INTU: variants seen among roughly 807,000 people sequenced by gnomAD.
INTU encodes inturned planar cell polarity protein, also known as protein inturned.
INTU carries 68 observed loss-of-function variants against 100.5 expected under a neutral mutation model. The observed-to-expected ratio is 0.68, with a 90% CI of 0.56 to 0.83. The LOEUF (loss-of-function observed/expected upper bound fraction) is 0.83, where lower values mean the gene tolerates loss of function less well. Ranked by LOEUF, INTU falls within the 40% of genes least tolerant of loss-of-function variation. The pLI, the probability that INTU is intolerant of heterozygous loss-of-function variation, is 0.00. For synonymous variants in INTU, 357 were observed against 395.7 expected (o/e 0.90, Z 1.16); for missense variants, 1,071 against 1,114.7 (o/e 0.96, Z 0.56).
At chr4:127,672,419 T>C (rs1261501285) in intron 5 of INTU, among the ~76,000 whole-genome samples, 6 of 151,718 alleles carry the variant, frequency 4.0e-5, no homozygotes, top group Non-Finnish European at 8.8e-5. Context: ...GCATTCCTCC[T>C]TTTCAGTCTC....
At chr4:127,674,810 A>G (rs180857578) in intron 6 of INTU, among the ~76,000 whole-genome samples, 15 of 152,322 alleles carry the variant, frequency 9.8e-5, no homozygotes, top group Admixed American at 5.2e-4. Context: ...TATATTTATT[A>G]AACTCATTTA....
intron 6 of INTU, among the ~76,000 whole-genome samples, chr4:127,677,312 G>T (rs963178253): frequency 2.0e-5 from 3 of 152,008 alleles, no homozygotes; most frequent in Admixed American, 6.5e-5. Flanking sequence ...GTGGGTCCCT[G>T]ACCCCTGACC....
chr4:127,678,103 G>A (rs1340532300), intron 6 of INTU, among the ~76,000 whole-genome samples: 1 of 151,994 alleles, frequency 6.6e-6, no homozygotes, highest in African/African-American at 2.4e-5. Context: ...GGACTATGTG[G>A]AAAGACCAAA....
At chr4:127,651,478 C>A (rs1378597958) in intron 2 of INTU, among the ~76,000 whole-genome samples, 8 of 152,192 alleles carry the variant, frequency 5.3e-5, no homozygotes, top group Non-Finnish European at 1.0e-4. Context: ...AATAGGGAAT[C>A]CTTTCCCCAT....
intron 7 of INTU, chr4:127,685,329 T>G (rs1444136797): frequency 9.1e-6 from 3 of 330,612 alleles, no homozygotes; most frequent in East Asian, 1.9e-4. Flanking sequence ...GTTTAAAGCC[T>G]TAGGAGTATA....
chr4:127,646,184 C>CAAA (rs71587329), intron 2 of INTU, among the ~76,000 whole-genome samples: 92 of 127,538 alleles, frequency 7.2e-4, no homozygotes, highest in Middle Eastern at 3.8e-3. Context: ...GACTCTGTCT[C>CAAA]AAAAAAAAAA....
intron 2 of INTU, among the ~76,000 whole-genome samples, chr4:127,645,365 C>A (rs1727529447): frequency 1.3e-5 from 2 of 151,984 alleles, no homozygotes; most frequent in African/African-American, 2.4e-5. Flanking sequence ...AGTGATCCAG[C>A]TGATAGCCCC....
chr4:127,640,583 A>G (rs1364136753), intron 1 of INTU, among the ~76,000 whole-genome samples: 3 of 42,894 alleles, frequency 7.0e-5, no homozygotes, highest in African/African-American at 8.0e-5. Context: ...ATATATATAT[A>G]TATATATACA....
intron 2 of INTU, among the ~76,000 whole-genome samples, chr4:127,650,235 TA>T (rs1185182034): frequency 2.0e-5 from 3 of 152,194 alleles, no homozygotes; most frequent in African/African-American, 7.2e-5. Flanking sequence ...TAATTTTTTT[TA>T]TTATACTTTA....
At chr4:127,668,179 G>A (rs1268342366) in intron 4 of INTU, among the ~76,000 whole-genome samples, 1 of 151,908 alleles carries the variant, frequency 6.6e-6, no homozygotes, top group Non-Finnish European at 1.5e-5. Flanking sequence ...GTTGCTTTAA[G>A]TAACAACAAA....
Position 127,656,658 on chromosome 4 carries a change from T to C in INTU, c.705T>C (p.Asn235=). ...VLIGDVLVAV[N]DVDVTTENIE... ...CAGGTGATGTCCTTGTTGCTGTGAA[T>C]GATGTCGATGTTACTACTGAAAACA... The change falls in exon 3 of 16, where the codon AAT becomes AAC. Residue 235 remains asparagine (N), a synonymous_variant. Coordinates refer to ENST00000335251, the MANE Select transcript of INTU (RefSeq NM_015693.4). 6.2e-7 allele frequency: 1 copy of C among 1,610,498 alleles called. No individual in the cohort carries two copies.
intron 10 of INTU, among the ~76,000 whole-genome samples, chr4:127,704,534 ATCC>A (rs1730791707): frequency 1.3e-5 from 2 of 152,254 alleles, no homozygotes; most frequent in South Asian, 2.1e-4. Flanking sequence ...AGCTCAAACA[ATCC>A]TCCTGCTTTG....
At chr4:127,681,609 G>A (rs1481839256) in intron 6 of INTU, among the ~76,000 whole-genome samples, 1 of 152,056 alleles carries the variant, frequency 6.6e-6, no homozygotes, top group East Asian at 1.9e-4. Context: ...AATTCAAGAT[G>A]GATTAAAGAC....
At chr4:127,664,846 A>G (rs1268151165) in intron 4 of INTU, among the ~76,000 whole-genome samples, 3 of 151,996 alleles carry the variant, frequency 2.0e-5, no homozygotes, top group Non-Finnish European at 4.4e-5. Flanking sequence ...TATAGAGATT[A>G]CTGATATATT....
intron 8 of INTU, among the ~76,000 whole-genome samples, chr4:127,694,156 T>C (rs1730278014): frequency 6.6e-6 from 1 of 152,030 alleles, no homozygotes; most frequent in South Asian, 2.1e-4. Flanking sequence ...TACCAATTCT[T>C]TTTTGAATGT....
At chr4:127,655,220 G>T (rs1396402906) in intron 2 of INTU, among the ~76,000 whole-genome samples, 3 of 152,006 alleles carry the variant, frequency 2.0e-5, no homozygotes, top group Admixed American at 6.6e-5. Flanking sequence ...TCTTCTCTCA[G>T]CTCGTCAAAG....
In INTU at chr4:127,705,610, A is replaced by C; in HGVS notation, c.1586A>C (p.His529Pro). 1 of 1,613,872 alleles carries C rather than the reference A, an allele frequency of 6.2e-7. No individual in the cohort carries two copies. Among genetic ancestry groups the C allele is most frequent in the Non-Finnish European group, 8.5e-7 (1 of 1,179,826 alleles). The change falls in exon 11 of 16, where the codon CAT (histidine) becomes CCT (proline). Residue 529 changes from histidine to proline, a missense_variant. His to Pro is a moderately conservative substitution (Grantham distance 77). Transcript: ENST00000335251. ...TTCAAGGGTTATTTGATATGCAGTC[A>C]TTTGCCCAAGGATGATCTTATTGAT... ...LFYKGYLICSHLPKDDLIDIA... is the reference protein window; with the variant it reads ...LFYKGYLICSPLPKDDLIDIA...
intron 8 of INTU, among the ~76,000 whole-genome samples, chr4:127,690,458 C>G (rs567925575): frequency 6.6e-6 from 1 of 152,192 alleles, no homozygotes; most frequent in East Asian, 1.9e-4. Context: ...TTTGCAGAAT[C>G]CAGAAAAACC....
In INTU at chr4:127,691,962, G is replaced by GTGTGTATATATATATATATATA; in HGVS notation, c.1449+4096_1449+4097insGTGTATATATATATATATATAT. On this transcript the variant is annotated intron_variant, in intron 8 of 15. Coordinates refer to ENST00000335251, the MANE Select transcript of INTU (RefSeq NM_015693.4). ...GGCGGAGTATAGTGTTCCATGGTAT[G>GTGTGTATATATATATATATATA]TATATATATATATATATATGTCACA... 4.5e-4 allele frequency among the ~76,000 whole-genome samples: 44 copies of GTGTGTATATATATATATATATA among 98,260 alleles called. 3 individuals are homozygous for GTGTGTATATATATATATATATA. The highest frequency in any genetic ancestry group is 7.3e-4 in the Non-Finnish European group (34 of 46,634). The allele number at this position is 98,260 out of a possible 152,430, so 64.5% of individuals were successfully genotyped here.
Sources: gnomAD v4.1 joint callset for allele counts (sites outside exome capture counted in the v4.1 genomes callset) on GRCh38, gnomAD v4.1.1 for gene constraint, MANE v1.5 for transcripts, NCBI Gene and HGNC (gene_info 2026-07-23, HGNC 2026-07-21) for gene names.